The following MKX variants were observed in gnomAD, a reference collection of about 807,000 sequenced individuals.
The protein encoded by MKX is mohawk homeobox.
In MKX, 13 loss-of-function variants were observed where a neutral mutation model predicts 36.0. The ratio of observed to expected loss-of-function variants is 0.36; its 90% CI spans 0.24 to 0.57. MKX has a LOEUF of 0.57. Ranked by LOEUF, MKX falls within the 20% of genes least tolerant of loss-of-function variation. The pLI, the probability that MKX is intolerant of heterozygous loss-of-function variation, is 0.79. For missense variants in MKX, 458 were observed against 456.4 expected (o/e 1.00, Z -0.03); for synonymous variants, 176 against 178.3 (o/e 0.99, Z 0.10).
intron 5 of MKX, among the ~76,000 whole-genome samples, chr10:27,685,608 C>G (rs1836331736): frequency 6.6e-6 from 1 of 151,948 alleles, no homozygotes; most frequent in African/African-American, 2.4e-5. Context: ...GCCACCACGC[C>G]TGGCTAATTT....
intron 5 of MKX, among the ~76,000 whole-genome samples, chr10:27,705,719 A>G (rs1354766041): frequency 6.6e-6 from 1 of 152,200 alleles, no homozygotes; most frequent in Non-Finnish European, 1.5e-5. Flanking sequence ...TGGACAGAGT[A>G]CCAACTGTGG....
chr10:27,711,481 T>TC (rs1491358691), intron 5 of MKX, among the ~76,000 whole-genome samples: 8 of 17,708 alleles, frequency 4.5e-4, no homozygotes, highest in African/African-American at 1.1e-3. Context: ...CTTTCTTTCT[T>TC]TCTCTCTCTC....
intron 5 of MKX, among the ~76,000 whole-genome samples, chr10:27,724,332 A>C (rs553887035): frequency 1.6e-4 from 24 of 152,318 alleles, no homozygotes; most frequent in African/African-American, 5.5e-4. Flanking sequence ...TCCGGAAGAC[A>C]TGAAAAAAGT....
chr10:27,695,440 A>G (rs1417662735), intron 5 of MKX, among the ~76,000 whole-genome samples: 1 of 152,076 alleles, frequency 6.6e-6, no homozygotes, highest in Non-Finnish European at 1.5e-5. Context: ...TAACAGAAAA[A>G]AAAAAAAATC....
intron 5 of MKX, among the ~76,000 whole-genome samples, chr10:27,730,602 C>T (rs1265539482): frequency 4.0e-5 from 6 of 151,478 alleles, no homozygotes; most frequent in South Asian, 2.1e-4. Context: ...GGATTAGAGG[C>T]GCCTCCCACC....
At chr10:27,697,723 C>T (rs370788487) in intron 5 of MKX, among the ~76,000 whole-genome samples, 8 of 152,098 alleles carry the variant, frequency 5.3e-5, no homozygotes, top group South Asian at 4.1e-4. Context: ...TGTGACAGGC[C>T]CTCAAAATAC....
chr10:27,719,862 C>T (rs924131468), intron 5 of MKX, among the ~76,000 whole-genome samples: 19 of 151,604 alleles, frequency 1.3e-4, no homozygotes, highest in African/African-American at 1.5e-4. Flanking sequence ...GTGGCACATG[C>T]CTGTAATCCC....
intron 5 of MKX, among the ~76,000 whole-genome samples, chr10:27,729,657 T>C (rs942892599): frequency 6.6e-6 from 1 of 152,006 alleles, no homozygotes; most frequent in Non-Finnish European, 1.5e-5. Flanking sequence ...AAGGGAAAAA[T>C]GCAACAAGGG....
At chr10:27,734,221 G>C (rs1386430499) in intron 5 of MKX, among the ~76,000 whole-genome samples, 1 of 151,782 alleles carries the variant, frequency 6.6e-6, no homozygotes, top group East Asian at 1.9e-4. Context: ...AATATAAAAA[G>C]AATAAAACTT....
Position 27,673,774 on chromosome 10 carries a change from G to A in MKX, c.*1455C>T, listed in dbSNP as rs1836091225. 1 of 152,112 alleles carries A rather than the reference G, an allele frequency of 6.6e-6. No individual in the cohort carries two copies. The highest frequency in any genetic ancestry group is 2.4e-5 in the African/African-American group (1 of 41,260). The allele number at this position is 152,112 out of a possible 1,614,324, so 9.4% of individuals were successfully genotyped here. A position where few individuals can be genotyped will look rare whatever the true frequency, so the allele number is the denominator to read the frequency against. ...CAAGACTGATACTGTCCATCAACTA[G>A]AGCAGCCTTTGGTTTTAAAAGCATT... On this transcript the variant is annotated 3_prime_UTR_variant, in exon 7 of 7. Transcript: ENST00000419761.
chr10:27,677,411 T>A (rs1836173275), intron 5 of MKX, among the ~76,000 whole-genome samples: 1 of 152,134 alleles, frequency 6.6e-6, no homozygotes, highest in Non-Finnish European at 1.5e-5. Flanking sequence ...TCTAAGACAG[T>A]CACAGAACTA....
intron 5 of MKX, among the ~76,000 whole-genome samples, chr10:27,717,590 C>A (rs1422215938): frequency 6.6e-6 from 1 of 152,160 alleles, no homozygotes; most frequent in African/African-American, 2.4e-5. Flanking sequence ...GATGACATTG[C>A]CCATCAGCAT....
At chr10:27,684,788 A>T (rs973315674) in intron 5 of MKX, among the ~76,000 whole-genome samples, 19 of 152,190 alleles carry the variant, frequency 1.2e-4, no homozygotes, top group African/African-American at 4.3e-4. Flanking sequence ...GTGGAAGATG[A>T]TTTTTCCACA....
At chr10:27,718,515 C>A in intron 5 of MKX, 2 of 383,552 alleles carry the variant, frequency 5.2e-6, no homozygotes, top group Non-Finnish European at 1.0e-5. Flanking sequence ...GAAATATTGG[C>A]AAGAAGGAGT....
At chr10:27,678,438 C>T (rs763584467) in intron 5 of MKX, among the ~76,000 whole-genome samples, 4 of 152,176 alleles carry the variant, frequency 2.6e-5, no homozygotes, top group Middle Eastern at 3.2e-3. Flanking sequence ...GCTTAAATAA[C>T]GTTAGGGAAA....
In MKX at chr10:27,715,229, A is replaced by G. The variant is rs1836943193; in HGVS notation, c.838+19227T>C. Among the ~76,000 whole-genome samples, 3 of 151,732 alleles carry G rather than the reference A, an allele frequency of 2.0e-5. No individual in the cohort carries two copies. In the South Asian group the frequency reaches 6.2e-4, roughly 31 times the overall value. On this transcript the variant is annotated intron_variant, in intron 5 of 6. Coordinates refer to ENST00000419761, the MANE Select transcript of MKX (RefSeq NM_173576.3). ...CTTGCTTTGCCCTGGACACTGTGTT[A>G]TGTTGCTGGAGTCCCTCTCCTCTCT...
chr10:27,737,176 C>T (rs1293273617), intron 3 of MKX, among the ~76,000 whole-genome samples: 1 of 152,176 alleles, frequency 6.6e-6, no homozygotes, highest in African/African-American at 2.4e-5. Flanking sequence ...CATGAAATTT[C>T]TCAAACTCCC....
At chr10:27,713,714 C>T (rs535076458) in intron 5 of MKX, among the ~76,000 whole-genome samples, 45 of 152,130 alleles carry the variant, frequency 3.0e-4, no homozygotes, top group African/African-American at 3.6e-4. Flanking sequence ...ACACAATATA[C>T]GGTATTATTA....
chr10:27,743,269 CGGGCCGTCGGGAATGCCCACCTCG>C lies in MKX; in HGVS notation c.123_146del (p.Glu42_Pro49del). The C allele has an allele frequency of 6.5e-7, 1 of 1,547,954 alleles. No homozygotes were observed. Among genetic ancestry groups the C allele is most frequent in the Non-Finnish European group, 8.7e-7 (1 of 1,152,192 alleles). On this transcript the variant is annotated inframe_deletion, in exon 2 of 7. Transcript: ENST00000419761. ...TCAGGCCGAGGTTGTCCTTGAGGGG[CGGGCCGTCGGGAATGCCCACCTCG>C]GGGCGGGCGTGAGGACTGTCCAGGA...
Sources: allele counts gnomAD v4.1 joint callset (sites outside exome capture counted in the v4.1 genomes callset), GRCh38; gene constraint gnomAD v4.1.1; transcripts MANE v1.5; gene names NCBI Gene and HGNC (gene_info 2026-07-23, HGNC 2026-07-21).